PPTC7: variants seen among roughly 807,000 people sequenced by gnomAD.
PPTC7 encodes protein phosphatase targeting COQ7.
PPTC7 carries 6 observed loss-of-function variants against 30.8 expected under a neutral mutation model. The observed-to-expected ratio is 0.19, with a 90% CI of 0.11 to 0.38. The LOEUF (loss-of-function observed/expected upper bound fraction) is 0.38, where lower values mean the gene tolerates loss of function less well. Ranked by LOEUF, PPTC7 falls within the 10% of genes least tolerant of loss-of-function variation. PPTC7 has a pLI of 1.00. For synonymous variants in PPTC7, 163 were observed against 168.1 expected (o/e 0.97, Z 0.23); for missense variants, 218 against 404.8 (o/e 0.54, Z 3.96).
At position 110,535,244 on chromosome 12, in the gene PPTC7, T is replaced by C. The variant is rs2135755705; in HGVS notation, c.*1793A>G. The stretch of plus-strand genomic sequence containing the variant: ...ACCAAAGAATTCTGTTTTGTCAAGT[T>C]AGGGTAGTTAAGGCATTCTGACATG... On this transcript the variant is annotated 3_prime_UTR_variant, in exon 6 of 6. Transcript: ENST00000354300. 1.3e-5 allele frequency: 2 copies of C among 152,326 alleles called. No homozygotes were observed. Among genetic ancestry groups the C allele is most frequent in the South Asian group, 2.1e-4 (1 of 4,804 alleles). 9.4% of individuals were successfully genotyped at this position (152,326 alleles called of 1,614,324 possible). A position where few individuals can be genotyped will look rare whatever the true frequency, so the allele number is the denominator to read the frequency against.
intron 1 of PPTC7, among the ~76,000 whole-genome samples, chr12:110,582,153 A>T (rs1481804342): frequency 6.6e-6 from 1 of 152,140 alleles, no homozygotes; most frequent in Non-Finnish European, 1.5e-5. Context: ...AGGCTCGACC[A>T]TTCTATTTTG....
intron 1 of PPTC7, among the ~76,000 whole-genome samples, chr12:110,561,476 G>C (rs2064437383): frequency 6.6e-6 from 1 of 152,032 alleles, no homozygotes; most frequent in African/African-American, 2.4e-5. Context: ...ACCATGCTTG[G>C]CTAATTTTTC....
At chr12:110,553,319 TG>T (rs2064363157) in intron 1 of PPTC7, among the ~76,000 whole-genome samples, 2 of 151,812 alleles carry the variant, frequency 1.3e-5, no homozygotes, top group African/African-American at 4.8e-5. Context: ...CTGGCTTTTT[TG>T]TATTTTTAGT....
chr12:110,578,785 C>T (rs2064610525), intron 1 of PPTC7, among the ~76,000 whole-genome samples: 2 of 152,162 alleles, frequency 1.3e-5, no homozygotes, highest in African/African-American at 4.8e-5. Context: ...TCAACATAGC[C>T]TTTTAATGTA....
intron 1 of PPTC7, among the ~76,000 whole-genome samples, chr12:110,573,790 T>G (rs2064560700): frequency 6.6e-6 from 1 of 151,992 alleles, no homozygotes; most frequent in African/African-American, 2.4e-5. Flanking sequence ...AAGACCAGCC[T>G]GACCAACATG....
chr12:110,579,394 C>T (rs953562374), intron 1 of PPTC7, among the ~76,000 whole-genome samples: 1 of 152,194 alleles, frequency 6.6e-6, no homozygotes, highest in Non-Finnish European at 1.5e-5. Context: ...ACATGGCTAA[C>T]AACCACCTTT....
At chr12:110,545,424 A>G (rs980256311) in intron 3 of PPTC7, among the ~76,000 whole-genome samples, 1 of 152,166 alleles carries the variant, frequency 6.6e-6, no homozygotes, top group Non-Finnish European at 1.5e-5. Context: ...ATTTCCTGCA[A>G]GTTCTATTTG....
At chr12:110,568,815 G>A (rs2064508334) in intron 1 of PPTC7, among the ~76,000 whole-genome samples, 1 of 152,166 alleles carries the variant, frequency 6.6e-6, no homozygotes. Context: ...GTCATTCCCT[G>A]GGTCAGAACT....
intron 1 of PPTC7, among the ~76,000 whole-genome samples, chr12:110,565,964 G>C (rs922227441): frequency 2.0e-5 from 3 of 152,212 alleles, no homozygotes; most frequent in Admixed American, 2.0e-4. Flanking sequence ...ATGAGTTGTA[G>C]GAGAGGAGGC....
intron 1 of PPTC7, among the ~76,000 whole-genome samples, chr12:110,567,006 T>C (rs2064489519): frequency 6.6e-6 from 1 of 152,168 alleles, no homozygotes; most frequent in Non-Finnish European, 1.5e-5. Flanking sequence ...AACTCAAAGA[T>C]TTCTCATTTT....
intron 1 of PPTC7, among the ~76,000 whole-genome samples, chr12:110,561,228 T>C (rs114051738): frequency 6.6e-6 from 1 of 152,172 alleles, no homozygotes; most frequent in African/African-American, 2.4e-5. Flanking sequence ...TGAAGCACTG[T>C]AACTAGAAAA....
intron 3 of PPTC7, among the ~76,000 whole-genome samples, chr12:110,543,727 C>T (rs564654130): frequency 3.8e-4 from 58 of 152,320 alleles, no homozygotes; most frequent in African/African-American, 1.3e-3. Context: ...CTGCCAGCTG[C>T]AGTTTTGCCC....
At chr12:110,561,311 T>C (rs1191116701) in intron 1 of PPTC7, among the ~76,000 whole-genome samples, 2 of 152,184 alleles carry the variant, frequency 1.3e-5, no homozygotes, top group Non-Finnish European at 2.9e-5. Flanking sequence ...CATTTCTTTT[T>C]TTTTTCTTTC....
intron 1 of PPTC7, among the ~76,000 whole-genome samples, chr12:110,582,545 G>T (rs552235497): frequency 6.6e-6 from 1 of 152,336 alleles, no homozygotes; most frequent in South Asian, 2.1e-4. Flanking sequence ...GACTCGGACA[G>T]ACCGGTCACA....
intron 1 of PPTC7, among the ~76,000 whole-genome samples, chr12:110,553,046 G>T (rs2064360464): frequency 6.6e-6 from 1 of 151,932 alleles, no homozygotes; most frequent in East Asian, 2.0e-4. Flanking sequence ...AGATGGGTGT[G>T]GTGGCAGGCA....
intron 1 of PPTC7, among the ~76,000 whole-genome samples, chr12:110,564,815 A>ATG (rs2064468068): frequency 8.4e-6 from 1 of 119,016 alleles, no homozygotes; most frequent in Non-Finnish European, 1.8e-5. Context: ...GTATATGTAT[A>ATG]TGTGTATATA....
chr12:110,551,047 G>A (rs1188762271), intron 2 of PPTC7, among the ~76,000 whole-genome samples: 1 of 152,124 alleles, frequency 6.6e-6, no homozygotes, highest in Non-Finnish European at 1.5e-5. Flanking sequence ...TTCACAACAT[G>A]TTCCTGAGTA....
chr12:110,559,660 A>G (rs1370125898), intron 1 of PPTC7, among the ~76,000 whole-genome samples: 1 of 147,154 alleles, frequency 6.8e-6, no homozygotes, highest in African/African-American at 2.5e-5. Context: ...TGGGAGGTGG[A>G]GGTTGCAATG....
At chr12:110,559,850 A>C (rs1431728309) in intron 1 of PPTC7, among the ~76,000 whole-genome samples, 3 of 151,946 alleles carry the variant, frequency 2.0e-5, no homozygotes. Flanking sequence ...CTCCCATTTC[A>C]GCCTCCTGAA....
Sources: gnomAD v4.1 joint callset for allele counts (sites outside exome capture counted in the v4.1 genomes callset) on GRCh38, gnomAD v4.1.1 for gene constraint, MANE v1.5 for transcripts, NCBI Gene and HGNC (gene_info 2026-07-23, HGNC 2026-07-21) for gene names.